The following L3MBTL3 variants were observed in gnomAD, a reference collection of about 807,000 sequenced individuals.
L3MBTL3 encodes L3MBTL histone methyl-lysine binding protein 3, also known as lethal(3)malignant brain tumor-like protein 3.
Under a neutral mutation model 102.3 loss-of-function variants are expected in L3MBTL3, and 27 were observed. That is an observed-to-expected ratio of 0.26 (90% confidence interval 0.19 to 0.36). L3MBTL3 has a LOEUF of 0.36. Among genes scored for constraint, L3MBTL3 ranks in the 10% least tolerant of loss-of-function variants. L3MBTL3 has a pLI of 1.00. For synonymous variants in L3MBTL3, 340 were observed against 320.9 expected, an observed-to-expected ratio of 1.06 and a Z score of -0.64; for missense variants, 798 against 955.3, an observed-to-expected ratio of 0.84 and a Z score of 2.17.
At chr6:130,054,962 C>A in intron 7 of L3MBTL3, 1 of 497,250 alleles carries the variant, frequency 2.0e-6, no homozygotes, top group South Asian at 2.1e-5. Flanking sequence ...CCCTTCCAAC[C>A]GGTAACACGT....
chr6:130,129,758 T>C (rs1786880727), intron 20 of L3MBTL3, among the ~76,000 whole-genome samples: 1 of 152,194 alleles, frequency 6.6e-6, no homozygotes, highest in Non-Finnish European at 1.5e-5. Flanking sequence ...GAAATGTCTT[T>C]AGAACACGAG....
chr6:130,104,925 G>T (rs991098147), intron 19 of L3MBTL3, among the ~76,000 whole-genome samples: 1 of 152,090 alleles, frequency 6.6e-6, no homozygotes, highest in Non-Finnish European at 1.5e-5. Context: ...ACCTTTATCA[G>T]TAAAGTAGTG....
At chr6:130,043,608 G>A (rs1780561577) in intron 3 of L3MBTL3, among the ~76,000 whole-genome samples, 1 of 152,138 alleles carries the variant, frequency 6.6e-6, no homozygotes, top group Non-Finnish European at 1.5e-5. Flanking sequence ...TGATCGTTCA[G>A]GTATTTGAAC....
chr6:130,112,060 A>G (rs1268865857), intron 19 of L3MBTL3, among the ~76,000 whole-genome samples: 1 of 151,948 alleles, frequency 6.6e-6, no homozygotes, highest in Non-Finnish European at 1.5e-5. Context: ...CTAATCTCTC[A>G]TCTTTGGGGT....
intron 8 of L3MBTL3, among the ~76,000 whole-genome samples, chr6:130,056,629 C>T (rs1187178935): frequency 6.6e-6 from 1 of 152,200 alleles, no homozygotes; most frequent in African/African-American, 2.4e-5. Context: ...GTGTAAATTC[C>T]TCAGTTCCTC....
At position 130,140,424 on chromosome 6, in the gene L3MBTL3, A is replaced by G. The variant is rs1279089873; in HGVS notation, c.*671A>G. 2.0e-5 allele frequency: 3 copies of G among 152,662 alleles called. No homozygotes were observed. Among genetic ancestry groups the G allele is most frequent in the African/African-American group, 4.8e-5 (2 of 41,450 alleles). The allele number at this position is 152,662 out of a possible 1,614,324, so 9.5% of individuals were successfully genotyped here. ...ATTACTTTTCACCAGCATCTTTACT[A>G]TAATTACCAAAAACATGTATATAAA... On this transcript the variant is annotated 3_prime_UTR_variant, in exon 23 of 23. Transcript: ENST00000361794.
intron 20 of L3MBTL3, among the ~76,000 whole-genome samples, chr6:130,123,495 G>C (rs1404832328): frequency 6.6e-6 from 1 of 152,128 alleles, no homozygotes; most frequent in Non-Finnish European, 1.5e-5. Context: ...TTATAGGTGA[G>C]ATTGGCCTAT....
chr6:130,018,688 A>G (rs989571783), intron 1 of L3MBTL3, 24 bp downstream of exon 1: 14 of 152,714 alleles, frequency 9.2e-5, no homozygotes, highest in African/African-American at 3.1e-4. Flanking sequence ...GATCGGATCT[A>G]ATCTCTAATT....
intron 16 of L3MBTL3, among the ~76,000 whole-genome samples, chr6:130,092,218 C>T (rs1473389726): frequency 6.6e-6 from 1 of 151,980 alleles, no homozygotes; most frequent in Non-Finnish European, 1.5e-5. Context: ...TCTAAAAACA[C>T]ACTGGGTGGA....
intron 19 of L3MBTL3, among the ~76,000 whole-genome samples, chr6:130,107,803 ACT>A (rs985619917): frequency 6.6e-6 from 1 of 152,006 alleles, no homozygotes; most frequent in Admixed American, 6.6e-5. Flanking sequence ...ATGCAACTAA[ACT>A]CTCTTAGGGG....
At chr6:130,071,663 A>G (rs1268791316) in intron 13 of L3MBTL3, among the ~76,000 whole-genome samples, 1 of 152,118 alleles carries the variant, frequency 6.6e-6, no homozygotes, top group Non-Finnish European at 1.5e-5. Flanking sequence ...TTTCCTAGTA[A>G]AAGGCATTTC....
chr6:130,023,260 T>C (rs1327801425), intron 2 of L3MBTL3, among the ~76,000 whole-genome samples: 3 of 152,192 alleles, frequency 2.0e-5, no homozygotes, highest in Non-Finnish European at 4.4e-5. Flanking sequence ...ATTATTGATA[T>C]AAAAATGATT....
intron 2 of L3MBTL3, among the ~76,000 whole-genome samples, chr6:130,025,889 G>A (rs1330827071): frequency 1.3e-5 from 2 of 152,122 alleles, no homozygotes; most frequent in African/African-American, 2.4e-5. Flanking sequence ...ATGTGTTGGG[G>A]CTACAAAGAC....
rs1783106791 is a variant in L3MBTL3, at chr6:130,078,612, A to G, written c.1299A>G (p.Arg433=). The G allele has an allele frequency of 9.9e-6, 16 of 1,608,650 alleles. No homozygotes were observed. The highest frequency in any genetic ancestry group is 1.2e-5 in the Non-Finnish European group (14 of 1,175,682). ...CAGTTGGTTGGTGTAAGGAACATAG[A>G]AGAACCCTTATTACTCCACCAGGTG... ...IHPVGWCKEH[R]RTLITPPGYP... Residue 433 remains arginine (R), a synonymous_variant, in exon 14 of 23, where the codon AGA becomes AGG. Coordinates refer to ENST00000361794, the MANE Select transcript of L3MBTL3 (RefSeq NM_032438.4).
chr6:130,028,295 T>A (rs563111187), intron 2 of L3MBTL3, among the ~76,000 whole-genome samples: 2 of 152,172 alleles, frequency 1.3e-5, no homozygotes, highest in Non-Finnish European at 2.9e-5. Context: ...CATTGCAACA[T>A]TATAAATAGG....
intron 22 of L3MBTL3, among the ~76,000 whole-genome samples, chr6:130,138,998 G>T (rs990178400): frequency 2.0e-5 from 3 of 152,074 alleles, no homozygotes; most frequent in African/African-American, 7.2e-5. Flanking sequence ...CCCTACCTGC[G>T]TATTAGAAGA....
intron 14 of L3MBTL3, among the ~76,000 whole-genome samples, chr6:130,080,883 T>G (rs1036394885): frequency 6.6e-6 from 1 of 152,232 alleles, no homozygotes; most frequent in African/African-American, 2.4e-5. Flanking sequence ...TGCTACTCTT[T>G]GCCCCATAAC....
rs1255172049 is a variant in L3MBTL3, at chr6:130,022,274, CAG to C, written c.-42_-41del. Reference sequence around the variant, plus strand: ...AGTGGACAGCAATTGTGAAGATCGCCAGAGAGTTCTGTGTTTCATCACCGCCG... The same window carrying C: ...AGTGGACAGCAATTGTGAAGATCGCCAGAGTTCTGTGTTTCATCACCGCCG... On this transcript the variant is annotated 5_prime_UTR_variant, in exon 2 of 23. Transcript: ENST00000361794. The C allele has an allele frequency of 6.6e-6, 1 of 152,148 alleles. No homozygotes were observed. Among genetic ancestry groups the C allele is most frequent in the Non-Finnish European group, 1.5e-5 (1 of 68,036 alleles). 9.4% of individuals were successfully genotyped at this position (152,148 alleles called of 1,614,324 possible).
chr6:130,089,674 C>T (rs1015995500), intron 16 of L3MBTL3, among the ~76,000 whole-genome samples: 1 of 152,134 alleles, frequency 6.6e-6, no homozygotes, highest in East Asian at 1.9e-4. Context: ...CTAGTTTACA[C>T]TCCCACCAAA....
Sources: gnomAD v4.1 joint callset for allele counts (sites outside exome capture counted in the v4.1 genomes callset) on GRCh38, gnomAD v4.1.1 for gene constraint, MANE v1.5 for transcripts, NCBI Gene and HGNC (gene_info 2026-07-23, HGNC 2026-07-21) for gene names.